The following CYFIP1 variants were observed in gnomAD, a reference collection of about 807,000 sequenced individuals.
CYFIP1 encodes cytoplasmic FMR1 interacting protein 1, also known as cytoplasmic FMR1-interacting protein 1.
A neutral mutation model predicts 163.5 loss-of-function variants in CYFIP1; 58 were observed. That is an observed-to-expected ratio of 0.35 (90% CI 0.29 to 0.44). CYFIP1 has a LOEUF of 0.44. Among genes scored for constraint, CYFIP1 ranks in the 20% least tolerant of loss-of-function variants. The pLI is 1.00. For missense variants in CYFIP1, 1,338 were observed against 1,653.8 expected, an observed-to-expected ratio of 0.81 and a Z score of 3.31; for synonymous variants, 663 against 660.7, an observed-to-expected ratio of 1.00 and a Z score of -0.05.
At chr15:22,873,318 C>T (rs1225915341) in intron 29 of CYFIP1, among the ~76,000 whole-genome samples, 173 bp downstream of exon 29, 1 of 152,148 alleles carries the variant, frequency 6.6e-6, no homozygotes. Context: ...AGTCCTGAGT[C>T]AGCTCTTTGG....
intron 11 of CYFIP1, among the ~76,000 whole-genome samples, chr15:22,930,038 A>G (rs1049340564): frequency 6.6e-6 from 1 of 151,540 alleles, no homozygotes; most frequent in African/African-American, 2.4e-5. Context: ...AAGAAAATCA[A>G]CAAACCTAAA....
chr15:22,916,874 T>C, intron 15 of CYFIP1: 3 of 1,552,004 alleles, frequency 1.9e-6, no homozygotes, highest in Non-Finnish European at 2.6e-6. Context: ...AAACAAATGA[T>C]GTCTTACCAC....
chr15:22,961,798 C>T (rs1398695164), intron 1 of CYFIP1, among the ~76,000 whole-genome samples: 2 of 152,170 alleles, frequency 1.3e-5, no homozygotes, highest in African/African-American at 4.8e-5. Context: ...ATACTAACAA[C>T]GTTAAAGATA....
chr15:22,959,146 T>G (rs12441030), intron 1 of CYFIP1, among the ~76,000 whole-genome samples: 10,146 of 152,228 alleles, frequency 0.067, 447 homozygotes, highest in East Asian at 0.11. Context: ...ATGCCTGGGT[T>G]GGGTAGGGAT....
Position 22,903,869 on chromosome 15 carries a change from G to A in CYFIP1, c.2425C>T (p.His809Tyr), listed in dbSNP as rs1324501551. The A allele has an allele frequency of 2.5e-6, 4 of 1,614,136 alleles. No homozygotes were observed. The highest frequency in any genetic ancestry group is 1.1e-5 in the South Asian group (1 of 91,086). ...DGLLEINRMT[H>Y]KLLSRYLTLD... ...GTCAGGTACCGGCTCAGCAGCTTGTGGGTCATGCGGTTGATTTCCAACAGG... is the reference window on the plus strand; with the variant it reads ...GTCAGGTACCGGCTCAGCAGCTTGTAGGTCATGCGGTTGATTTCCAACAGG... The change falls in exon 22 of 31, where the codon CAC becomes TAC. Residue 809 changes from histidine (H) to tyrosine (Y), a missense_variant. His to Tyr is a moderately conservative substitution (Grantham distance 83). Transcript: ENST00000617928.
chr15:22,952,696 TTA>T (rs1206755775), intron 1 of CYFIP1, among the ~76,000 whole-genome samples: 2 of 66,630 alleles, frequency 3.0e-5, no homozygotes, highest in Non-Finnish European at 6.4e-5. Flanking sequence ...GGGGTAAAGT[TTA>T]TGTTATGCAT....
intron 1 of CYFIP1, among the ~76,000 whole-genome samples, chr15:22,965,313 G>T (rs2062867855): frequency 6.6e-6 from 1 of 152,148 alleles, no homozygotes; most frequent in Non-Finnish European, 1.5e-5. Context: ...ACAAAAATTA[G>T]CCAGGTGTGG....
chr15:22,910,002 G>A (rs1157742533), intron 20 of CYFIP1, among the ~76,000 whole-genome samples: 2 of 151,084 alleles, frequency 1.3e-5, no homozygotes, highest in Non-Finnish European at 2.9e-5. Flanking sequence ...CCCAGGAGCC[G>A]CAGGGCAGAT....
intron 1 of CYFIP1, among the ~76,000 whole-genome samples, chr15:22,973,455 A>G (rs976844773): frequency 4.0e-5 from 6 of 151,618 alleles, no homozygotes; most frequent in Non-Finnish European, 8.8e-5. Context: ...CTGTCTCTGT[A>G]TATTTGCCTA....
chr15:22,877,005 G>A (rs927672789), intron 26 of CYFIP1, among the ~76,000 whole-genome samples: 5 of 152,090 alleles, frequency 3.3e-5, no homozygotes, highest in African/African-American at 1.2e-4. Flanking sequence ...CTGACCTGAG[G>A]CCAATGACCA....
chr15:22,935,662 A>G (rs1348403538), intron 9 of CYFIP1, among the ~76,000 whole-genome samples: 5 of 152,204 alleles, frequency 3.3e-5, no homozygotes. Context: ...CAAAGCGTAT[A>G]AAGTTTCAAT....
At chr15:22,905,994 C>T (rs765168933) in intron 21 of CYFIP1, among the ~76,000 whole-genome samples, 1 of 152,012 alleles carries the variant, frequency 6.6e-6, no homozygotes, top group Non-Finnish European at 1.5e-5. Flanking sequence ...CTCCTGACCT[C>T]GTGATCTGCC....
chr15:22,966,174 C>A (rs1306041812), intron 1 of CYFIP1, among the ~76,000 whole-genome samples: 2 of 150,724 alleles, frequency 1.3e-5, no homozygotes, highest in East Asian at 3.9e-4. Context: ...CATGGAGAAA[C>A]CCCGTCTCTA....
At chr15:22,979,222 C>T (rs988290050) in intron 1 of CYFIP1, among the ~76,000 whole-genome samples, 1 of 152,170 alleles carries the variant, frequency 6.6e-6, no homozygotes, top group African/African-American at 2.4e-5. Context: ...GCCTGCAGAT[C>T]TAGACATCAC....
At chr15:22,933,050 T>C (rs2061588981) in intron 10 of CYFIP1, among the ~76,000 whole-genome samples, 1 of 151,998 alleles carries the variant, frequency 6.6e-6, no homozygotes, top group Non-Finnish European at 1.5e-5. Context: ...CCCAGGCTGG[T>C]CTCAAACTCC....
intron 30 of CYFIP1, among the ~76,000 whole-genome samples, chr15:22,870,923 C>T (rs1220381965): frequency 6.6e-6 from 1 of 152,210 alleles, no homozygotes; most frequent in Non-Finnish European, 1.5e-5. Context: ...TAAGAACATA[C>T]ACGCAAACAA....
At chr15:22,964,274 C>CACA (rs1555424191) in intron 1 of CYFIP1, among the ~76,000 whole-genome samples, 1 of 97,154 alleles carries the variant, frequency 1.0e-5, no homozygotes, top group Non-Finnish European at 2.0e-5. Context: ...CTCCTCCTCA[C>CACA]CACACACACA....
chr15:22,909,724 ATTT>A (rs894375395), intron 20 of CYFIP1, among the ~76,000 whole-genome samples: 1 of 151,186 alleles, frequency 6.6e-6, no homozygotes, highest in Non-Finnish European at 1.5e-5. Flanking sequence ...TTAATTTTTA[ATTT>A]TTTTTCTTTT....
intron 1 of CYFIP1, among the ~76,000 whole-genome samples, chr15:22,970,150 G>A (rs753446536): frequency 6.6e-6 from 1 of 152,106 alleles, no homozygotes; most frequent in Non-Finnish European, 1.5e-5. Context: ...GCATCCAAAA[G>A]ATGAAGAATG....
Sources: gnomAD v4.1 joint callset for allele counts (sites outside exome capture counted in the v4.1 genomes callset) on GRCh38, gnomAD v4.1.1 for gene constraint, MANE v1.5 for transcripts, NCBI Gene and HGNC (gene_info 2026-07-23, HGNC 2026-07-21) for gene names.